The following CUBN variants were observed in gnomAD, a reference collection of about 807,000 sequenced individuals.
CUBN encodes the protein cubilin.
In CUBN, 282 loss-of-function variants were observed where a neutral mutation model predicts 405.3. The ratio of observed to expected loss-of-function variants is 0.70; its 90% CI spans 0.63 to 0.77. CUBN has a LOEUF of 0.77. CUBN is among the 30% of genes least tolerant of loss of function. CUBN has a pLI of 0.00. For missense variants in CUBN, 4,514 were observed against 4,475.2 expected (o/e 1.01, Z -0.25); for synonymous variants, 1,684 against 1,617.0 (o/e 1.04, Z -0.99).
chr10:16,828,888 G>A lies in CUBN; in HGVS notation c.10681C>T (p.Pro3561Ser). The stretch of plus-strand genomic sequence containing the variant: ...AGATAGTTCTGGACACAGTCTCCTG[G>A]ATCGTCAATGCTGATGAAGTAGAAG... The part of the protein sequence containing the change: ...INFYFISIDD[P>S]GDCVQNYLTL... The change falls in exon 66 of 67, where the codon CCA (proline) becomes TCA (serine). Residue 3561 changes from proline (P) to serine (S), a missense_variant. Coordinates refer to ENST00000377833, the MANE Select transcript of CUBN (RefSeq NM_001081.4). 1.9e-6 allele frequency: 3 copies of A among 1,614,144 alleles called. No individual in the cohort carries two copies. Among genetic ancestry groups the A allele is most frequent in the Non-Finnish European group, 2.5e-6 (3 of 1,180,008 alleles).
intron 22 of CUBN, among the ~76,000 whole-genome samples, chr10:17,049,584 A>C (rs1380022479): frequency 1.3e-5 from 2 of 152,134 alleles, no homozygotes; most frequent in Non-Finnish European, 2.9e-5. Context: ...GGAGTCTGTT[A>C]ATCTGTACTG....
intron 46 of CUBN, 37 bp downstream of exon 46, chr10:16,915,784 A>G: frequency 6.4e-7 from 1 of 1,556,488 alleles, no homozygotes; most frequent in East Asian, 2.2e-5. Flanking sequence ...ACATGTGAAA[A>G]TAAACACCCA....
intron 28 of CUBN, among the ~76,000 whole-genome samples, chr10:16,997,642 C>G (rs548164363): frequency 6.5e-4 from 99 of 152,196 alleles, no homozygotes; most frequent in Non-Finnish European, 1.1e-3. Flanking sequence ...CATAAAAAAA[C>G]GTAATTACAA....
Position 17,047,448 on chromosome 10 carries a change from T to A in CUBN, c.3295A>T (p.Ile1099Phe), listed in dbSNP as rs759503134. The change falls in exon 23 of 67, where the codon ATT becomes TTT. Residue 1099 changes from isoleucine to phenylalanine, a missense_variant. Coordinates refer to ENST00000377833, the MANE Select transcript of CUBN (RefSeq NM_001081.4). ...AGAAAATCTGTATAATAGTTTCCAA[T>A]GGCTTCCTCCAAGGAGAAGTTTGTG... ...HFTNFSLEEA[I>F]GNYYTDFLEI... The A allele has an allele frequency of 6.2e-7, 1 of 1,613,990 alleles. No individual in the cohort carries two copies. Among genetic ancestry groups the A allele is most frequent in the Non-Finnish European group, 8.5e-7 (1 of 1,179,882 alleles).
intron 60 of CUBN, among the ~76,000 whole-genome samples, chr10:16,845,763 T>A (rs1050004409): frequency 2.0e-5 from 3 of 152,244 alleles, no homozygotes; most frequent in African/African-American, 7.2e-5. Context: ...CATAGACTGC[T>A]GATCCTCTCC....
At chr10:17,102,552 A>G (rs1836518169) in intron 13 of CUBN, among the ~76,000 whole-genome samples, 1 of 146,560 alleles carries the variant, frequency 6.8e-6, no homozygotes, top group Admixed American at 6.8e-5. Flanking sequence ...CTCATAAAGT[A>G]CTAGGATCAC....
At chr10:16,937,871 T>C in intron 38 of CUBN, 87 bp from the exon 39 acceptor site, 1 of 1,236,712 alleles carries the variant, frequency 8.1e-7, no homozygotes, top group Non-Finnish European at 1.1e-6. Context: ...CTTATATTAT[T>C]ACAATGTTAT....
At chr10:17,008,287 AGAGT>A (rs1834084605) in intron 28 of CUBN, among the ~76,000 whole-genome samples, 1 of 134,800 alleles carries the variant, frequency 7.4e-6, no homozygotes, top group Admixed American at 7.8e-5. Flanking sequence ...TTGAGCACTG[AGAGT>A]AATTTTTACA....
intron 17 of CUBN, among the ~76,000 whole-genome samples, chr10:17,075,925 A>T (rs935150519): frequency 6.6e-6 from 1 of 152,242 alleles, no homozygotes; most frequent in African/African-American, 2.4e-5. Context: ...TTTAAGGTAC[A>T]GTATGATGGT....
intron 54 of CUBN, among the ~76,000 whole-genome samples, chr10:16,895,448 T>C (rs1263069995): frequency 6.6e-6 from 1 of 152,206 alleles, no homozygotes; most frequent in African/African-American, 2.4e-5. Context: ...CCTTGTCAAT[T>C]ATCTGTCTAG....
At chr10:16,956,040 G>A (rs1196835579) in intron 31 of CUBN, among the ~76,000 whole-genome samples, 1 of 152,154 alleles carries the variant, frequency 6.6e-6, no homozygotes, top group Non-Finnish European at 1.5e-5. Context: ...AAAGTTCGGA[G>A]ATTCAATGTA....
intron 54 of CUBN, among the ~76,000 whole-genome samples, chr10:16,896,826 G>A (rs1430640761): frequency 6.6e-6 from 1 of 152,100 alleles, no homozygotes; most frequent in Admixed American, 6.6e-5. Flanking sequence ...CCCTAAGTCT[G>A]TGTTGATCTA....
At chr10:17,113,124 G>T (rs1261582218) in intron 8 of CUBN, among the ~76,000 whole-genome samples, 1 of 152,098 alleles carries the variant, frequency 6.6e-6, no homozygotes, top group Non-Finnish European at 1.5e-5. Context: ...AATTAGCCGG[G>T]TGTGGTGAGG....
chr10:16,951,232 T>C (rs1842914158), intron 33 of CUBN, among the ~76,000 whole-genome samples: 1 of 152,170 alleles, frequency 6.6e-6, no homozygotes, highest in Non-Finnish European at 1.5e-5. Context: ...GCAACTTTCT[T>C]TGGGGCTCCA....
At chr10:17,078,242 C>T (rs190065034) in intron 17 of CUBN, among the ~76,000 whole-genome samples, 82 of 152,122 alleles carry the variant, frequency 5.4e-4, no homozygotes, top group African/African-American at 1.9e-3. Context: ...TAGCTCCTGC[C>T]TAACTCATAT....
At chr10:17,008,749 C>G (rs1834100081) in intron 28 of CUBN, among the ~76,000 whole-genome samples, 1 of 152,034 alleles carries the variant, frequency 6.6e-6, no homozygotes, top group African/African-American at 2.4e-5. Flanking sequence ...CTTGGCACTA[C>G]TCATGGTTTT....
intron 40 of CUBN, among the ~76,000 whole-genome samples, 193 bp from the exon 41 acceptor site, chr10:16,928,496 G>A (rs1842263014): frequency 6.7e-6 from 1 of 149,488 alleles, no homozygotes; most frequent in Admixed American, 6.7e-5. Context: ...GGTGCTTCCT[G>A]CCCTTTTCTT....
intron 31 of CUBN, among the ~76,000 whole-genome samples, chr10:16,979,796 A>G (rs1833211162): frequency 6.6e-6 from 1 of 152,220 alleles, no homozygotes. Context: ...AGACTTCATG[A>G]TTTAAACACC....
chr10:16,886,924 G>A (rs1165895811), intron 56 of CUBN, among the ~76,000 whole-genome samples: 3 of 152,158 alleles, frequency 2.0e-5, no homozygotes, highest in Admixed American at 1.3e-4. Flanking sequence ...GAGTAGCTGG[G>A]ATTACAGGCA....
Sources: allele counts gnomAD v4.1 joint callset (sites outside exome capture counted in the v4.1 genomes callset), GRCh38; gene constraint gnomAD v4.1.1; transcripts MANE v1.5; gene names NCBI Gene and HGNC (gene_info 2026-07-23, HGNC 2026-07-21).